The following CNGA1 variants were observed in gnomAD, a reference collection of about 807,000 sequenced individuals.
CNGA1 encodes the protein cyclic nucleotide gated channel subunit alpha 1.
Under a neutral mutation model 69.7 loss-of-function variants are expected in CNGA1, and 53 were observed. The observed-to-expected ratio is 0.76, with a 90% CI of 0.61 to 0.96. CNGA1 has a LOEUF of 0.96. CNGA1 is among the 40% of genes least tolerant of loss of function. The pLI is 0.00. For missense variants in CNGA1, 739 were observed against 811.2 expected, an observed-to-expected ratio of 0.91 and a Z score of 1.08; for synonymous variants, 249 against 283.5, an observed-to-expected ratio of 0.88 and a Z score of 1.22.
chr4:47,936,604 C>T lies in CNGA1; in HGVS notation c.1878G>A (p.Met626Ile). ...PKDLEEKVTR[M>I]EGSVDLLQTR... ...TTTGCAGGAGGTCTACTGACCCCTC[C>T]ATTCGAGTAACCTTCTCTTCAAGAT... Residue 626 changes from methionine (M) to isoleucine (I), a missense_variant, in exon 11 of 11, where the codon ATG becomes ATA. Transcript: ENST00000514170. The T allele has an allele frequency of 6.2e-7, 1 of 1,614,188 alleles. No homozygotes were observed.
Position 47,954,808 on chromosome 4 carries a change from G to C in CNGA1, c.-14-2105C>G, listed in dbSNP as rs192027559. Among the ~76,000 whole-genome samples, 422 of 152,320 alleles carry C rather than the reference G, an allele frequency of 2.8e-3. 2 individuals carry two copies. The highest frequency in any genetic ancestry group is 0.014 in the Middle Eastern group (4 of 294). ...GAAAACCTTACGAGCCTTTTTGAAG[G>C]GGGGGTAAAGCTGAAGGCCCTCTGG... is the stretch of plus-strand genomic sequence containing the variant. On this transcript the variant is annotated intron_variant, in intron 3 of 10. Transcript: ENST00000514170.
intron 1 of CNGA1, among the ~76,000 whole-genome samples, chr4:48,013,900 T>C (rs1225900219): frequency 6.6e-6 from 1 of 152,124 alleles, no homozygotes; most frequent in Non-Finnish European, 1.5e-5. Flanking sequence ...CAGACCTCCC[T>C]ACAATGTAGC....
At chr4:47,978,806 A>G (rs1264275415) in intron 3 of CNGA1, among the ~76,000 whole-genome samples, 1 of 152,052 alleles carries the variant, frequency 6.6e-6, no homozygotes, top group African/African-American at 2.4e-5. Context: ...TTTCAGATAA[A>G]TTTTTCTTAT....
At chr4:47,979,686 CT>C (rs1269840741) in intron 3 of CNGA1, among the ~76,000 whole-genome samples, 1 of 152,106 alleles carries the variant, frequency 6.6e-6, no homozygotes, top group Admixed American at 6.5e-5. Context: ...TTCTTAGACA[CT>C]TTTTAAAATT....
In CNGA1 at chr4:47,937,194, C is replaced by T. The variant is rs892301890; in HGVS notation, c.1288G>A (p.Val430Ile). ...CACAGGTAGTCAAACCATTTAATAA[C>T]CCTCTTTTCCATATCTTTGCTTACA... ...RNVSKDMEKR[V>I]IKWFDYLWTN... Residue 430 changes from valine to isoleucine, a missense_variant, in exon 11 of 11, where the codon GTT becomes ATT. Coordinates refer to ENST00000514170, the MANE Select transcript of CNGA1 (RefSeq NM_001379270.1). 4.3e-6 allele frequency: 7 copies of T among 1,614,060 alleles called. No homozygotes were observed. In the African/African-American group the frequency reaches 8.0e-5, roughly 18 times the overall value.
chr4:47,976,229 ATACATATATATG>A (rs1349987844), intron 3 of CNGA1, among the ~76,000 whole-genome samples: 13 of 68,882 alleles, frequency 1.9e-4, no homozygotes, highest in African/African-American at 1.6e-3. Context: ...ACATATATAT[ATACATATATATG>A]TATATATATA....
At chr4:48,011,882 T>C (rs1406366758) in intron 1 of CNGA1, among the ~76,000 whole-genome samples, 3 of 152,316 alleles carry the variant, frequency 2.0e-5, no homozygotes, top group African/African-American at 2.4e-5. Context: ...CAAAGTTCTT[T>C]TGAAGTCTTA....
chr4:47,953,436 C>A (rs1006259581), intron 3 of CNGA1, among the ~76,000 whole-genome samples: 1 of 152,188 alleles, frequency 6.6e-6, no homozygotes. Context: ...TGGAGGTAAT[C>A]TGCTGTGAAT....
chr4:47,948,153 A>T (rs1355048485), intron 6 of CNGA1, among the ~76,000 whole-genome samples: 1 of 151,742 alleles, frequency 6.6e-6, no homozygotes, highest in Non-Finnish European at 1.5e-5. Context: ...ATATTGCTTA[A>T]CATCACTTTG....
chr4:47,937,480 A>G lies in CNGA1; in HGVS notation c.1002T>C (p.Asn334=), dbSNP rs772864864. 3.6e-5 allele frequency: 58 copies of G among 1,614,100 alleles called. No homozygotes were observed. In the Admixed American group the frequency reaches 7.0e-4, roughly 19 times the overall value. Residue 334 remains asparagine, a synonymous_variant, in exon 11 of 11, where the codon AAT becomes AAC. Coordinates refer to ENST00000514170, the MANE Select transcript of CNGA1 (RefSeq NM_001379270.1). ...TAGCCAAACGGCCAAATTCAGGATCATTAATATCAGGGTAGACCCATGTAT... is the reference window on the plus strand; with the variant it reads ...TAGCCAAACGGCCAAATTCAGGATCGTTAATATCAGGGTAGACCCATGTAT... The part of the protein sequence containing the change: ...GNDTWVYPDI[N]DPEFGRLARK...
intron 1 of CNGA1, among the ~76,000 whole-genome samples, chr4:48,012,084 T>C (rs556553027): frequency 1.2e-4 from 19 of 152,316 alleles, no homozygotes; most frequent in South Asian, 2.1e-4. Flanking sequence ...AAACATGTTT[T>C]AGGGTAAAAT....
intron 1 of CNGA1, among the ~76,000 whole-genome samples, chr4:48,012,427 G>A (rs1715204955): frequency 1.3e-5 from 2 of 152,064 alleles, no homozygotes; most frequent in Non-Finnish European, 2.9e-5. Context: ...CAGTGTGGGA[G>A]GACAGCCATT....
chr4:47,974,288 A>G (rs1741229997), intron 3 of CNGA1, among the ~76,000 whole-genome samples: 2 of 152,186 alleles, frequency 1.3e-5, no homozygotes, highest in South Asian at 4.1e-4. Context: ...TGGTGGGATC[A>G]TTGGTATTTT....
intron 6 of CNGA1, among the ~76,000 whole-genome samples, chr4:47,946,817 C>T (rs1486562539): frequency 1.3e-5 from 2 of 152,080 alleles, no homozygotes; most frequent in Non-Finnish European, 1.5e-5. Context: ...AGGAGTCTTG[C>T]TCTGTCACCC....
intron 2 of CNGA1, among the ~76,000 whole-genome samples, chr4:47,988,518 G>A (rs536821086): frequency 6.6e-6 from 1 of 152,110 alleles, no homozygotes; most frequent in African/African-American, 2.4e-5. Flanking sequence ...CCTTAAATGG[G>A]TTGAGGAAAA....
At chr4:47,974,738 G>A (rs1410071054) in intron 3 of CNGA1, among the ~76,000 whole-genome samples, 2 of 147,056 alleles carry the variant, frequency 1.4e-5, no homozygotes, top group African/African-American at 5.1e-5. Flanking sequence ...ATTTAACAAC[G>A]CTCAGCAAGT....
chr4:47,962,260 C>T (rs866051251), intron 3 of CNGA1, among the ~76,000 whole-genome samples: 1 of 151,452 alleles, frequency 6.6e-6, no homozygotes, highest in Non-Finnish European at 1.5e-5. Context: ...AGGAGAATCG[C>T]TTGAACCAGG....
chr4:48,002,413 G>C (rs2109347127), intron 2 of CNGA1, among the ~76,000 whole-genome samples: 1 of 152,204 alleles, frequency 6.6e-6, no homozygotes, highest in East Asian at 1.9e-4. Flanking sequence ...CTGTAGTAGA[G>C]AAAGTTTAAT....
chr4:47,982,283 A>G (rs1056275391), intron 2 of CNGA1, among the ~76,000 whole-genome samples: 2 of 152,216 alleles, frequency 1.3e-5, no homozygotes, highest in African/African-American at 4.8e-5. Flanking sequence ...AAAATACATC[A>G]TGCATTCTCC....
Sources: gnomAD v4.1 joint callset for allele counts (sites outside exome capture counted in the v4.1 genomes callset) on GRCh38, gnomAD v4.1.1 for gene constraint, MANE v1.5 for transcripts, NCBI Gene and HGNC (gene_info 2026-07-23, HGNC 2026-07-21) for gene names.